The following CDH12 variants were observed in gnomAD, a reference collection of about 807,000 sequenced individuals.
The protein encoded by CDH12 is cadherin 12, also known as cadherin-12.
In CDH12, 41 loss-of-function variants were observed where a neutral mutation model predicts 74.1. The observed-to-expected ratio is 0.55, with a 90% CI of 0.43 to 0.72. CDH12 has a LOEUF of 0.72. Ranked by LOEUF, CDH12 falls within the 30% of genes least tolerant of loss-of-function variation. The pLI is 0.00. For synonymous variants in CDH12, 399 were observed against 355.0 expected (o/e 1.12, Z -1.39); for missense variants, 945 against 977.2 (o/e 0.97, Z 0.44).
intron 4 of CDH12, among the ~76,000 whole-genome samples, chr5:22,086,734 G>A (rs1743093268): frequency 1.3e-5 from 2 of 149,970 alleles, no homozygotes; most frequent in Admixed American, 6.7e-5. Context: ...TCTCCTACAA[G>A]CCAAGAAAAA....
At chr5:22,136,223 AG>A (rs1178338094) in intron 4 of CDH12, among the ~76,000 whole-genome samples, 2 of 152,014 alleles carry the variant, frequency 1.3e-5, no homozygotes, top group African/African-American at 4.8e-5. Context: ...CTCAACCAGA[AG>A]GTAAGAAGTC....
At chr5:22,243,664 G>A (rs776238849) in intron 3 of CDH12, among the ~76,000 whole-genome samples, 3 of 152,172 alleles carry the variant, frequency 2.0e-5, no homozygotes, top group Non-Finnish European at 4.4e-5. Context: ...AACATCAGAT[G>A]ATATTTTTGA....
intron 1 of CDH12, among the ~76,000 whole-genome samples, chr5:22,552,433 C>CTT (rs753291877): frequency 5.7e-5 from 8 of 139,286 alleles, no homozygotes; most frequent in African/African-American, 1.3e-4. Flanking sequence ...ATTTTCTTTT[C>CTT]TTTTTTTTTT....
chr5:22,545,926 T>TTTGTTGTTGTTG (rs57476797), intron 1 of CDH12, among the ~76,000 whole-genome samples: 1 of 151,216 alleles, frequency 6.6e-6, no homozygotes, highest in East Asian at 2.0e-4. Flanking sequence ...TGTCTAGATT[T>TTTGTTGTTGTTG]TTGTTGTTGT....
chr5:22,742,591 T>C (rs955808767), intron 1 of CDH12, among the ~76,000 whole-genome samples: 2 of 152,148 alleles, frequency 1.3e-5, no homozygotes, highest in African/African-American at 4.8e-5. Context: ...GTCTCCATTT[T>C]CTACCTTTGA....
chr5:22,743,844 T>C (rs1745157567), intron 1 of CDH12, among the ~76,000 whole-genome samples: 3 of 152,112 alleles, frequency 2.0e-5, no homozygotes, highest in South Asian at 2.1e-4. Flanking sequence ...TACAGTTAAG[T>C]TCTTACTTAT....
intron 1 of CDH12, among the ~76,000 whole-genome samples, chr5:22,835,599 T>C (rs950456208): frequency 2.0e-5 from 3 of 152,232 alleles, no homozygotes; most frequent in Non-Finnish European, 4.4e-5. Flanking sequence ...CCGTGAATCT[T>C]AGAATTTTTC....
chr5:22,455,967 CA>C (rs1263080333), intron 2 of CDH12, among the ~76,000 whole-genome samples: 1 of 152,060 alleles, frequency 6.6e-6, no homozygotes, highest in African/African-American at 2.4e-5. Context: ...TGAGGAAAAG[CA>C]AAATCAGATT....
rs114305308 is a variant in CDH12 at position 21,790,494 on chromosome 5, T to C, written c.1257-7000A>G. 2.7e-3 allele frequency among the ~76,000 whole-genome samples: 412 copies of C among 152,168 alleles called. 2 individuals carry two copies. The highest frequency in any genetic ancestry group is 9.7e-3 in the African/African-American group (404 of 41,556). ...CAATGAAATGTAGCATGAAGCACAGTAATTTTTTTGTATAGAGAGAATTAG... is the reference window on the plus strand; with the variant it reads ...CAATGAAATGTAGCATGAAGCACAGCAATTTTTTTGTATAGAGAGAATTAG... On this transcript the variant is annotated intron_variant, in intron 10 of 14. Transcript: ENST00000382254.
chr5:21,985,650 C>G (rs1176182035), intron 5 of CDH12, among the ~76,000 whole-genome samples: 1 of 152,076 alleles, frequency 6.6e-6, no homozygotes, highest in East Asian at 1.9e-4. Context: ...GTTTCTTTGT[C>G]TGAAATAATT....
At chr5:22,826,424 A>G (rs1338812875) in intron 1 of CDH12, among the ~76,000 whole-genome samples, 5 of 152,142 alleles carry the variant, frequency 3.3e-5, no homozygotes, top group Admixed American at 2.0e-4. Flanking sequence ...AATACAGTAA[A>G]TTGGTACCAG....
At chr5:22,776,011 C>T (rs1259351332) in intron 1 of CDH12, among the ~76,000 whole-genome samples, 2 of 152,064 alleles carry the variant, frequency 1.3e-5, no homozygotes, top group Non-Finnish European at 2.9e-5. Flanking sequence ...TGCCTTTTGC[C>T]TCTCGCCATG....
At chr5:22,555,874 C>CT in intron 1 of CDH12, among the ~76,000 whole-genome samples, 1 of 145,174 alleles carries the variant, frequency 6.9e-6, no homozygotes, top group Non-Finnish European at 1.5e-5. Context: ...ACAATCAAGA[C>CT]CAAACAAGAT....
chr5:21,813,429 G>A (rs1208611886), intron 9 of CDH12, among the ~76,000 whole-genome samples: 1 of 152,014 alleles, frequency 6.6e-6, no homozygotes, highest in Non-Finnish European at 1.5e-5. Flanking sequence ...GCAGTGAGCC[G>A]AGATCCCTCC....
chr5:21,826,858 AC>A (rs1302175984), intron 8 of CDH12, among the ~76,000 whole-genome samples: 18 of 152,106 alleles, frequency 1.2e-4, no homozygotes, highest in Non-Finnish European at 8.8e-5. Context: ...ACCTGCTATT[AC>A]TGTAACTTCC....
chr5:21,754,019 A>C (rs1744244102), intron 14 of CDH12, among the ~76,000 whole-genome samples: 2 of 152,226 alleles, frequency 1.3e-5, no homozygotes, highest in Non-Finnish European at 1.5e-5. Flanking sequence ...AAAGAAAAAA[A>C]CGAGGAGGAT....
At position 22,342,478 on chromosome 5, in the gene CDH12, T is replaced by G. The variant is rs1739896264; in HGVS notation, c.-333+62779A>C. ...ATTACCATTTGTACTTACTGAGAAT[T>G]TATAAAATGTCTATGTCCCCTGGTA... On this transcript the variant is annotated intron_variant, in intron 3 of 14. Coordinates refer to ENST00000382254, the MANE Select transcript of CDH12 (RefSeq NM_004061.5). Among the ~76,000 whole-genome samples, 10 of 152,174 alleles carry G rather than the reference T, an allele frequency of 6.6e-5. No homozygotes were observed. In the South Asian group the frequency reaches 2.1e-3, roughly 32 times the overall value.
chr5:22,625,671 C>T (rs747134657), intron 1 of CDH12, among the ~76,000 whole-genome samples: 1 of 152,160 alleles, frequency 6.6e-6, no homozygotes, highest in Non-Finnish European at 1.5e-5. Context: ...CTGAGTGGCC[C>T]CCTGTCTGCT....
chr5:22,767,196 T>C (rs1475759927), intron 1 of CDH12, among the ~76,000 whole-genome samples: 3 of 152,008 alleles, frequency 2.0e-5, no homozygotes, highest in Non-Finnish European at 4.4e-5. Flanking sequence ...TCATGATATC[T>C]TTTGAATACT....
Sources: allele counts gnomAD v4.1 joint callset (sites outside exome capture counted in the v4.1 genomes callset), GRCh38; gene constraint gnomAD v4.1.1; transcripts MANE v1.5; gene names NCBI Gene and HGNC (gene_info 2026-07-23, HGNC 2026-07-21).